Variants in SUGCT observed in about 807,000 individuals in gnomAD.
SUGCT encodes succinyl-CoA:glutarate CoA-transferase.
A neutral mutation model predicts 55.0 loss-of-function variants in SUGCT; 41 were observed. That is an observed-to-expected ratio of 0.74 (90% CI 0.58 to 0.97). The LOEUF is 0.97. SUGCT is among the 50% of genes least tolerant of loss of function. The pLI is 0.00. For synonymous variants in SUGCT, 187 were observed against 200.4 expected (o/e 0.93, Z 0.56); for missense variants, 568 against 547.8 (o/e 1.04, Z -0.37).
At chr7:40,258,900 A>G (rs994533085) in intron 7 of SUGCT, among the ~76,000 whole-genome samples, 4 of 152,248 alleles carry the variant, frequency 2.6e-5, no homozygotes, top group Admixed American at 1.3e-4. Context: ...TCATTGCAGC[A>G]TCAACTTCAG....
intron 6 of SUGCT, among the ~76,000 whole-genome samples, chr7:40,208,607 C>T (rs1021643825): frequency 1.5e-4 from 22 of 151,274 alleles, no homozygotes; most frequent in South Asian, 1.0e-3. Flanking sequence ...TGCAGTGGTG[C>T]GATCTCGGCT....
chr7:40,893,708 C>T, the SUGCT span, among the ~76,000 whole-genome samples: 5 of 152,026 alleles, frequency 3.3e-5, no homozygotes, highest in African/African-American at 1.2e-4. Flanking sequence ...CCTGAATAGC[C>T]AAGGCAATCC....
intron 11 of SUGCT, among the ~76,000 whole-genome samples, chr7:40,491,760 G>A (rs1183399157): frequency 6.6e-6 from 1 of 152,152 alleles, no homozygotes; most frequent in African/African-American, 2.4e-5. Flanking sequence ...GGAGGCCAAG[G>A]CAGGAGGATC....
chr7:40,835,290 A>G (rs1407484085), intron 13 of SUGCT, among the ~76,000 whole-genome samples: 2 of 152,360 alleles, frequency 1.3e-5, no homozygotes, highest in African/African-American at 4.8e-5. Context: ...ACCTGAAAAC[A>G]TAAAAGCATA....
chr7:40,550,461 T>TATGAGA (rs1562855049), intron 12 of SUGCT, among the ~76,000 whole-genome samples: 1 of 152,194 alleles, frequency 6.6e-6, no homozygotes, highest in Non-Finnish European at 1.5e-5. Context: ...TCTCTTCTTG[T>TATGAGA]ATGAGAAAGC....
At chr7:40,424,027 A>C (rs1403365096) in intron 9 of SUGCT, among the ~76,000 whole-genome samples, 1 of 152,112 alleles carries the variant, frequency 6.6e-6, no homozygotes, top group Non-Finnish European at 1.5e-5. Flanking sequence ...AAAAAGTTTT[A>C]GGATCTTAAA....
intron 12 of SUGCT, among the ~76,000 whole-genome samples, chr7:40,514,807 A>G (rs148226193): frequency 2.0e-3 from 298 of 151,938 alleles, no homozygotes; most frequent in Admixed American, 3.4e-3. Context: ...TTACCACGGC[A>G]TACTTTTCAG....
At chr7:40,249,910 C>T (rs1398140732) in intron 7 of SUGCT, among the ~76,000 whole-genome samples, 2 of 152,148 alleles carry the variant, frequency 1.3e-5, no homozygotes, top group Non-Finnish European at 2.9e-5. Context: ...CCTCAACCTC[C>T]TGAGTAGCTG....
intron 13 of SUGCT, among the ~76,000 whole-genome samples, chr7:40,765,343 A>G (rs1788730425): frequency 6.6e-6 from 1 of 152,074 alleles, no homozygotes; most frequent in South Asian, 2.1e-4. Flanking sequence ...CTTCATTTCA[A>G]AAAAAGTAAA....
At chr7:40,568,173 G>A (rs897724194) in intron 12 of SUGCT, among the ~76,000 whole-genome samples, 1 of 152,114 alleles carries the variant, frequency 6.6e-6, no homozygotes, top group Non-Finnish European at 1.5e-5. Flanking sequence ...TGGACATAAC[G>A]GAGAAGCAAA....
chr7:40,136,267 G>A (rs1787690870), intron 1 of SUGCT, among the ~76,000 whole-genome samples: 1 of 152,282 alleles, frequency 6.6e-6, no homozygotes, highest in Non-Finnish European at 1.5e-5. Context: ...CGAAGTGCTG[G>A]GATTTCATGC....
chr7:40,270,111 G>T (rs898254134), intron 7 of SUGCT, among the ~76,000 whole-genome samples: 4 of 150,276 alleles, frequency 2.7e-5, no homozygotes, highest in African/African-American at 7.3e-5. Context: ...ATTTCAGCCT[G>T]GGTGATGGAG....
chr7:40,560,220 T>A (rs1340598186), intron 12 of SUGCT, among the ~76,000 whole-genome samples: 1 of 152,164 alleles, frequency 6.6e-6, no homozygotes, highest in East Asian at 1.9e-4. Flanking sequence ...TGCCCACTGG[T>A]TGAAAATCTG....
chr7:40,784,216 TG>T (rs1447554080), intron 13 of SUGCT, among the ~76,000 whole-genome samples: 1 of 152,018 alleles, frequency 6.6e-6, no homozygotes, highest in Non-Finnish European at 1.5e-5. Context: ...TTGTGTGTGT[TG>T]GGGGTGAGGG....
intron 12 of SUGCT, among the ~76,000 whole-genome samples, chr7:40,544,956 G>A (rs1162257243): frequency 6.6e-6 from 1 of 152,088 alleles, no homozygotes; most frequent in Admixed American, 6.6e-5. Flanking sequence ...TTATAGAATA[G>A]CTCTCCTCAT....
chr7:40,477,989 C>CT (rs995519848), intron 11 of SUGCT, among the ~76,000 whole-genome samples: 2 of 151,760 alleles, frequency 1.3e-5, no homozygotes, highest in Non-Finnish European at 1.5e-5. Context: ...ATTGTTTGGG[C>CT]TTTTTTTTCC....
the SUGCT span, among the ~76,000 whole-genome samples, chr7:40,981,088 C>T: frequency 6.6e-6 from 1 of 152,126 alleles, no homozygotes; most frequent in Non-Finnish European, 1.5e-5. Flanking sequence ...ATTTCTTTGG[C>T]TCTCTGTGGT....
intron 12 of SUGCT, among the ~76,000 whole-genome samples, chr7:40,732,784 G>A (rs1786962947): frequency 1.3e-5 from 2 of 152,186 alleles, no homozygotes; most frequent in South Asian, 4.1e-4. Context: ...CAGTGTGTCT[G>A]TAAGGCAGGT....
At chr7:40,764,581 A>T (rs958831890) in intron 13 of SUGCT, among the ~76,000 whole-genome samples, 1 of 151,796 alleles carries the variant, frequency 6.6e-6, no homozygotes, top group African/African-American at 2.4e-5. Flanking sequence ...AGGAAGGTTA[A>T]AAAAAAATAA....
Sources: allele counts gnomAD v4.1 joint callset (sites outside exome capture counted in the v4.1 genomes callset), GRCh38; gene constraint gnomAD v4.1.1; transcripts MANE v1.5; gene names NCBI Gene and HGNC (gene_info 2026-07-23, HGNC 2026-07-21).